MROH2A: variants seen among roughly 807,000 people sequenced by gnomAD.
The protein encoded by MROH2A is maestro heat like repeat family member 2A.
In MROH2A, 174 loss-of-function variants were observed where a neutral mutation model predicts 200.4. The observed-to-expected ratio is 0.87, with a 90% CI of 0.77 to 0.98. The LOEUF is 0.98. Ranked by LOEUF, MROH2A falls within the 50% of genes least tolerant of loss-of-function variation. MROH2A has a pLI of 0.00. For missense variants in MROH2A, 2,045 were observed against 2,139.6 expected (o/e 0.96, Z 0.87); for synonymous variants, 829 against 840.4 (o/e 0.99, Z 0.23).
Position 233,823,650 on chromosome 2 carries a change from A to G in MROH2A, c.4099A>G (p.Ser1367Gly). ...AGAAGTCCTGAGCTGCCGCATCAGC[A>G]GCACAGCGGTCTGCGTGGAAATGAG... ...DSEVLSCRIS[S>G]TAVCFMSGPV... The change falls in exon 35 of 42, where the codon AGC becomes GGC. Residue 1367 changes from serine (S) to glycine (G), a missense_variant. This residue lies in a region of MROH2A where 1,201 missense variants were observed against 1,311.3 expected (regional missense o/e 0.92). Transcript: ENST00000389758. 6.4e-7 allele frequency: 1 copy of G among 1,550,454 alleles called. No homozygotes were observed. The highest frequency in any genetic ancestry group is 8.7e-7 in the Non-Finnish European group (1 of 1,146,898).
In MROH2A at chr2:233,798,710, G is replaced by T. The variant is rs937256175; in HGVS notation, c.1253-64G>T. On this transcript the variant is annotated intron_variant, in intron 11 of 41. Coordinates refer to ENST00000389758, the MANE Select transcript of MROH2A (RefSeq NM_001394639.1). ...AGACAGAACGTGAGGCCCTGATGTG[G>T]GACGAGCCACCTGACCTCTCCCTGA... 3 of 1,223,150 alleles carry T rather than the reference G, an allele frequency of 2.5e-6. No homozygotes were observed. In the African/African-American group the frequency reaches 4.5e-5, roughly 18 times the overall value. 75.8% of individuals were successfully genotyped at this position (1,223,150 alleles called of 1,614,324 possible).
chr2:233,832,668 G>A (rs996378106), intron 41 of MROH2A, 24 bp downstream of exon 41: 5 of 1,504,390 alleles, frequency 3.3e-6, no homozygotes, highest in Non-Finnish European at 4.5e-6. Context: ...AGTGTTAGAT[G>A]TTGAGTCCAC....
chr2:233,798,662 C>T (rs1702265154), intron 11 of MROH2A, 112 bp from the exon 12 acceptor site: 2 of 754,416 alleles, frequency 2.7e-6, no homozygotes, highest in Non-Finnish European at 4.6e-6. Flanking sequence ...GAAAGTGCCC[C>T]TGAGCTTGGA....
intron 6 of MROH2A, 74 bp downstream of exon 6, chr2:233,792,968 A>G: frequency 2.1e-6 from 3 of 1,404,392 alleles, no homozygotes; most frequent in Non-Finnish European, 2.0e-6. Context: ...TAAGGAGCAG[A>G]TGGAGGGGTT....
In MROH2A at chr2:233,820,982, G is replaced by A. The variant is rs576174616; in HGVS notation, c.3512+926G>A. ...CTGGGTGGGGGTAAGGGGGATGTGCGGTGCAGCCCTGGGTCAGGCTGGCGT... is the reference window on the plus strand; with the variant it reads ...CTGGGTGGGGGTAAGGGGGATGTGCAGTGCAGCCCTGGGTCAGGCTGGCGT... On this transcript the variant is annotated intron_variant, in intron 31 of 41. Coordinates refer to ENST00000389758, the MANE Select transcript of MROH2A (RefSeq NM_001394639.1). The surrounding 1 kb of genome is among the most constrained non-coding windows in gnomAD (Gnocchi z 4.1). Among the ~76,000 whole-genome samples, 4 of 152,266 alleles carry A rather than the reference G, an allele frequency of 2.6e-5. No individual in the cohort carries two copies. The highest frequency in any genetic ancestry group is 1.9e-4 in the East Asian group (1 of 5,174).
intron 25 of MROH2A, among the ~76,000 whole-genome samples, chr2:233,814,288 T>G (rs1185233246): frequency 6.6e-6 from 1 of 151,970 alleles, no homozygotes; most frequent in Non-Finnish European, 1.5e-5. Flanking sequence ...CTGACAACAC[T>G]GTGGAAGAGG....
chr2:233,794,654 G>T (rs150783152), intron 8 of MROH2A, 148 bp downstream of exon 8: 10,712 of 597,828 alleles, frequency 0.018, 147 homozygotes, highest in Non-Finnish European at 0.023. Flanking sequence ...TGCGAGGGAG[G>T]GGCGTGGAGC....
chr2:233,813,912 A>G, intron 25 of MROH2A, 134 bp downstream of exon 25: 1 of 534,938 alleles, frequency 1.9e-6, no homozygotes. Flanking sequence ...AAGCTCTATC[A>G]GTAAATGTAA....
At chr2:233,797,993 T>C (rs1702223808) in intron 11 of MROH2A, among the ~76,000 whole-genome samples, 1 of 152,202 alleles carries the variant, frequency 6.6e-6, no homozygotes, top group South Asian at 2.1e-4. Context: ...AAACTCTCAA[T>C]TGTCTCATGC....
chr2:233,787,972 C>CATATATTATATATA (rs1701426140), intron 3 of MROH2A, among the ~76,000 whole-genome samples: 1 of 40,286 alleles, frequency 2.5e-5, no homozygotes, highest in African/African-American at 1.0e-4. Context: ...ATTATATATA[C>CATATATTATATATA]ATATATATTA....
At chr2:233,800,489 C>G (rs983118095) in intron 14 of MROH2A, among the ~76,000 whole-genome samples, 174 bp downstream of exon 14, 1 of 152,234 alleles carries the variant, frequency 6.6e-6, no homozygotes, top group Non-Finnish European at 1.5e-5. Flanking sequence ...AAAGCCAGGT[C>G]CTTGATGAGA....
Position 233,807,958 on chromosome 2 carries a change from A to G in MROH2A, c.2295+103A>G. 1.4e-6 allele frequency: 2 copies of G among 1,413,324 alleles called. No homozygotes were observed. Among genetic ancestry groups the G allele is most frequent in the Admixed American group, 2.0e-5 (1 of 49,162 alleles). The allele number at this position is 1,413,324 out of a possible 1,614,324, so 87.5% of individuals were successfully genotyped here. A position where few individuals can be genotyped will look rare whatever the true frequency, so the allele number is the denominator to read the frequency against. ...TAGATCTCAGTAGGAAACTTGCCTC[A>G]CACGGAGTCTCCTGTCATCAAAATG... On this transcript the variant is annotated intron_variant, in intron 21 of 41. Coordinates refer to ENST00000389758, the MANE Select transcript of MROH2A (RefSeq NM_001394639.1). The surrounding 1 kb of genome is among the most constrained non-coding windows in gnomAD (Gnocchi z 4.3).
chr2:233,827,149 T>C (rs543988939), intron 35 of MROH2A, among the ~76,000 whole-genome samples: 11 of 152,348 alleles, frequency 7.2e-5, no homozygotes, highest in African/African-American at 2.6e-4. Flanking sequence ...TCAACCATTG[T>C]GGAAGACGGT....
In MROH2A at chr2:233,802,252, C is replaced by T; in HGVS notation, c.1645C>T (p.Leu549=). Residue 549 remains leucine, a synonymous_variant, in exon 15 of 42, where the codon CTG becomes TTG. Transcript: ENST00000389758. ...TCCTATCTGTATCAGCCTCACAAAC[C>T]TGGCAGAACACCAGCTCCATGGCCA... is the stretch of plus-strand genomic sequence containing the variant. The part of the protein sequence containing the change: ...LTPICISLTN[L]AEHQLHGQDV... 6.4e-7 allele frequency: 1 copy of T among 1,550,546 alleles called. No homozygotes were observed.
chr2:233,817,001 C>T, intron 27 of MROH2A, 116 bp downstream of exon 27: 1 of 662,182 alleles, frequency 1.5e-6, no homozygotes. Context: ...CCCCAGAGGG[C>T]CCCTTGGGAG....
chr2:233,820,179 T>A lies in MROH2A; in HGVS notation c.3512+123T>A. On this transcript the variant is annotated intron_variant, in intron 31 of 41. Coordinates refer to ENST00000389758, the MANE Select transcript of MROH2A (RefSeq NM_001394639.1). This position sits in a 1 kb window ranked among gnomAD's most constrained non-coding sequence, Gnocchi z 4.1. ...GTACCCTGCCCCACCCTGAAGGAGG[T>A]CGAAGCCCTCTTCCTGTACCTCCTG... The A allele has an allele frequency of 1.2e-6, 1 of 826,078 alleles. No homozygotes were observed. The highest frequency in any genetic ancestry group is 1.7e-6 in the Non-Finnish European group (1 of 578,768). 51.2% of individuals were successfully genotyped at this position (826,078 alleles called of 1,614,324 possible).
intron 29 of MROH2A, 49 bp from the exon 30 acceptor site, chr2:233,819,268 G>C (rs1703768083): frequency 6.6e-7 from 1 of 1,525,738 alleles, no homozygotes; most frequent in East Asian, 2.5e-5. Flanking sequence ...AGTGTCAGCA[G>C]TCATGGAGTG....
rs929077964 is a variant in MROH2A, at chr2:233,800,268, A to G, written c.1513A>G (p.Met505Val). 11 of 1,550,186 alleles carry G rather than the reference A, an allele frequency of 7.1e-6. No individual in the cohort carries two copies. Among genetic ancestry groups the G allele is most frequent in the African/African-American group, 2.7e-5 (2 of 73,040 alleles). The change falls in exon 14 of 42, where the codon ATG becomes GTG. Residue 505 changes from methionine to valine, a missense_variant. This residue lies in a region of MROH2A where 831 missense variants were observed against 800.0 expected (regional missense o/e 1.04). Transcript: ENST00000389758. The stretch of plus-strand genomic sequence containing the variant: ...GGAGAGGATGGTCCACAAAGTCACC[A>G]TGGACACTGTGAAGATCATTACCTC... Reference protein sequence around the residue: ...LEERMVHKVTMDTVKIITSSV... With the variant: ...LEERMVHKVTVDTVKIITSSV...
Position 233,809,155 on chromosome 2 carries a change from G to A in MROH2A, c.2325G>A (p.Val775=). Residue 775 remains valine (V), a synonymous_variant, in exon 22 of 42, where the codon GTG becomes GTA. Coordinates refer to ENST00000389758, the MANE Select transcript of MROH2A (RefSeq NM_001394639.1). ...ACCATCCCTGGAGGCGGGAGACAGT[G>A]AAAAGTGCCCTCATGGTGATGTATA... ...RKDHPWRRET[V]KSALMVMYSC... The A allele has an allele frequency of 4.5e-6, 7 of 1,550,412 alleles. No homozygotes were observed. Among genetic ancestry groups the A allele is most frequent in the South Asian group, 1.2e-5 (1 of 84,056 alleles).
Sources: gnomAD v4.1 joint callset for allele counts (sites outside exome capture counted in the v4.1 genomes callset) on GRCh38, gnomAD v4.1.1 for gene constraint, gnomAD v4.1.1 regional missense constraint, Gnocchi (gnomAD v3.1) non-coding constraint, MANE v1.5 for transcripts, NCBI Gene and HGNC (gene_info 2026-07-23, HGNC 2026-07-21) for gene names.